The following PTPRN2 variants were observed in gnomAD, a reference collection of about 807,000 sequenced individuals.
The protein encoded by PTPRN2 is receptor-type tyrosine-protein phosphatase N2.
PTPRN2 carries 74 observed loss-of-function variants against 118.8 expected under a neutral mutation model. That is an observed-to-expected ratio of 0.62 (90% confidence interval 0.52 to 0.76). The LOEUF is 0.76. PTPRN2 is among the 30% of genes least tolerant of loss of function. The probability of loss-of-function intolerance (pLI) is 0.00; values close to 1 mark genes in which losing one functional copy is unlikely to be tolerated. For missense variants in PTPRN2, 1,481 were observed against 1,394.4 expected, an observed-to-expected ratio of 1.06 and a Z score of -0.99; for synonymous variants, 641 against 608.0, an observed-to-expected ratio of 1.05 and a Z score of -0.80.
intron 12 of PTPRN2, among the ~76,000 whole-genome samples, chr7:157,728,180 C>T (rs1799702943): frequency 6.6e-6 from 1 of 152,188 alleles, no homozygotes; most frequent in African/African-American, 2.4e-5. Context: ...CCCACGAAGC[C>T]AGGAGAACAC....
intron 2 of PTPRN2, among the ~76,000 whole-genome samples, chr7:158,428,410 C>T (rs934025021): frequency 1.3e-5 from 2 of 152,092 alleles, no homozygotes; most frequent in Admixed American, 1.3e-4. Flanking sequence ...ACGATGTGTG[C>T]CACCGCACAG....
At position 158,071,366 on chromosome 7, in the gene PTPRN2, CAT is replaced by C. The variant is rs1563390744; in HGVS notation, c.1723+9930_1723+9931del. On this transcript the variant is annotated intron_variant, in intron 11 of 22. Transcript: ENST00000389418. Reference sequence around the variant, plus strand: ...AGGTGCTCGTGGTGGTGGAGGTGCTCATGGTGGTGGAGGTGCTCGTGGTGGAG... The same window carrying C: ...AGGTGCTCGTGGTGGTGGAGGTGCTCGGTGGTGGAGGTGCTCGTGGTGGAG... 2.3e-3 allele frequency among the ~76,000 whole-genome samples: 114 copies of C among 50,226 alleles called. 2 individuals are homozygous for C. The highest frequency in any genetic ancestry group is 0.018 in the Middle Eastern group (1 of 56). 33.0% of individuals were successfully genotyped at this position (50,226 alleles called of 152,430 possible). A position where few individuals can be genotyped will look rare whatever the true frequency, so the allele number is the denominator to read the frequency against.
chr7:157,552,500 T>G (rs1016716352), intron 21 of PTPRN2, among the ~76,000 whole-genome samples: 3 of 151,958 alleles, frequency 2.0e-5, no homozygotes, highest in African/African-American at 7.2e-5. Context: ...GGGGAGGGGA[T>G]GGGCCGAGGT....
At chr7:158,160,827 CT>C (rs1822293301) in intron 6 of PTPRN2, among the ~76,000 whole-genome samples, 1 of 152,160 alleles carries the variant, frequency 6.6e-6, no homozygotes, top group South Asian at 2.1e-4. Context: ...TATCTGAGGG[CT>C]TATGTCTGCA....
chr7:157,544,761 G>C (rs565390356), intron 22 of PTPRN2, among the ~76,000 whole-genome samples: 2 of 152,244 alleles, frequency 1.3e-5, no homozygotes, highest in Non-Finnish European at 2.9e-5. Flanking sequence ...AGGCATGGAC[G>C]GGAGAGAGGG....
At chr7:157,668,329 T>C (rs1190868966) in intron 13 of PTPRN2, among the ~76,000 whole-genome samples, 1 of 152,188 alleles carries the variant, frequency 6.6e-6, no homozygotes, top group Non-Finnish European at 1.5e-5. Flanking sequence ...AGACCTGTCA[T>C]TCTTGAATTC....
At chr7:158,504,064 A>C (rs1377283004) in intron 1 of PTPRN2, among the ~76,000 whole-genome samples, 2 of 152,174 alleles carry the variant, frequency 1.3e-5, no homozygotes, top group African/African-American at 4.8e-5. Context: ...AAATGCAGAA[A>C]ATCTCAAAGA....
At chr7:157,733,402 A>C (rs1224910072) in intron 12 of PTPRN2, among the ~76,000 whole-genome samples, 9 of 37,088 alleles carry the variant, frequency 2.4e-4, no homozygotes, top group Admixed American at 6.0e-4. Flanking sequence ...TTACCCTTCC[A>C]CCCCATGCGC....
intron 12 of PTPRN2, among the ~76,000 whole-genome samples, chr7:157,687,068 A>C (rs1797233024): frequency 6.6e-6 from 1 of 152,182 alleles, no homozygotes; most frequent in African/African-American, 2.4e-5. Context: ...ATGACCACAG[A>C]GACAATTTGT....
At chr7:158,480,101 A>G (rs145605806) in intron 2 of PTPRN2, among the ~76,000 whole-genome samples, 134 of 152,280 alleles carry the variant, frequency 8.8e-4, no homozygotes, top group African/African-American at 3.2e-3. Flanking sequence ...CGACCTTCCT[A>G]GGAGCACGTT....
intron 14 of PTPRN2, among the ~76,000 whole-genome samples, chr7:157,643,057 A>G (rs57197000): frequency 0.085 from 12,976 of 152,224 alleles, 977 homozygotes; most frequent in African/African-American, 0.2. Context: ...ATGGCAGGAT[A>G]AACCTCTTTG....
intron 12 of PTPRN2, among the ~76,000 whole-genome samples, chr7:157,721,493 G>A (rs1799230713): frequency 6.6e-6 from 1 of 152,230 alleles, no homozygotes; most frequent in East Asian, 1.9e-4. Flanking sequence ...AGCTTCGGAT[G>A]TGCACAGCTG....
At chr7:158,514,311 G>A (rs1183001533) in intron 1 of PTPRN2, among the ~76,000 whole-genome samples, 4 of 152,184 alleles carry the variant, frequency 2.6e-5, no homozygotes, top group East Asian at 1.9e-4. Context: ...GAAGGGGAGC[G>A]GCTGGAGAGA....
At chr7:158,177,917 C>G (rs1824359916) in intron 5 of PTPRN2, among the ~76,000 whole-genome samples, 1 of 152,222 alleles carries the variant, frequency 6.6e-6, no homozygotes, top group Non-Finnish European at 1.5e-5. Flanking sequence ...GTAAACATTT[C>G]ACTTTTGAAG....
chr7:157,844,519 G>A lies in PTPRN2; in HGVS notation c.1788+54154C>T, dbSNP rs114394257. Among the ~76,000 whole-genome samples, 1,437 of 152,342 alleles carry A rather than the reference G, an allele frequency of 9.4e-3. 21 individuals are homozygous for A. The highest frequency in any genetic ancestry group is 0.033 in the African/African-American group (1,364 of 41,560). The stretch of plus-strand genomic sequence containing the variant: ...TGAGGAAACTGCCAGGTGAGGGCCA[G>A]GAGGAGAGGGTGAGGCTGACACGGG... On this transcript the variant is annotated intron_variant, in intron 12 of 22. Transcript: ENST00000389418.
intron 15 of PTPRN2, among the ~76,000 whole-genome samples, chr7:157,620,887 C>A (rs562586069): frequency 2.0e-5 from 3 of 152,040 alleles, no homozygotes; most frequent in African/African-American, 7.3e-5. Context: ...AGGCCTCCCT[C>A]CCCGGGGACT....
intron 4 of PTPRN2, among the ~76,000 whole-genome samples, chr7:158,195,079 C>CT (rs1397229151): frequency 6.6e-6 from 1 of 152,218 alleles, no homozygotes; most frequent in African/African-American, 2.4e-5. Context: ...CATCTGGCAC[C>CT]TTTCCCTTCT....
At position 157,714,639 on chromosome 7, in the gene PTPRN2, C is replaced by T. The variant is rs140240516; in HGVS notation, c.1789-31702G>A. On this transcript the variant is annotated intron_variant, in intron 12 of 22. Transcript: ENST00000389418. ...GTATTTGCAGGAATCCCGACACTCACTAACAGAGGTGGCACAAAAGGCCCT... is the reference window on the plus strand; with the variant it reads ...GTATTTGCAGGAATCCCGACACTCATTAACAGAGGTGGCACAAAAGGCCCT... 2.6e-3 allele frequency among the ~76,000 whole-genome samples: 392 copies of T among 152,346 alleles called. 1 individual carries two copies. Among genetic ancestry groups the T allele is most frequent in the Admixed American group, 3.7e-3 (56 of 15,304 alleles).
intron 2 of PTPRN2, among the ~76,000 whole-genome samples, chr7:158,331,532 C>T (rs1804443977): frequency 6.8e-6 from 1 of 146,384 alleles, no homozygotes. Flanking sequence ...CACACCCACA[C>T]TGTCACCATA....
Sources: allele counts gnomAD v4.1 joint callset (sites outside exome capture counted in the v4.1 genomes callset), GRCh38; gene constraint gnomAD v4.1.1; transcripts MANE v1.5; gene names NCBI Gene and HGNC (gene_info 2026-07-23, HGNC 2026-07-21).